CYP7B1: variants seen among roughly 807,000 people sequenced by gnomAD.
CYP7B1 encodes cytochrome P450 family 7 subfamily B member 1.
In CYP7B1, 29 loss-of-function variants were observed where a neutral mutation model predicts 42.7. The ratio of observed to expected loss-of-function variants is 0.68; its 90% CI spans 0.51 to 0.93. The LOEUF (loss-of-function observed/expected upper bound fraction) is 0.93, where lower values mean the gene tolerates loss of function less well. Among genes scored for constraint, CYP7B1 ranks in the 40% least tolerant of loss-of-function variants. CYP7B1 has a pLI of 0.00. For missense variants in CYP7B1, 655 were observed against 600.5 expected (o/e 1.09, Z -0.95); for synonymous variants, 235 against 218.2 (o/e 1.08, Z -0.68).
intron 1 of CYP7B1, among the ~76,000 whole-genome samples, chr8:64,647,116 T>C (rs1031712933): frequency 3.3e-5 from 5 of 152,150 alleles, no homozygotes; most frequent in Non-Finnish European, 5.9e-5. Context: ...TGTTGTTGTG[T>C]CTCAGGGAAT....
Position 64,794,950 on chromosome 8 carries a change from T to C in CYP7B1, c.122+3516A>G, listed in dbSNP as rs570782668. On this transcript the variant is annotated intron_variant, in intron 1 of 5. Coordinates refer to ENST00000310193, the MANE Select transcript of CYP7B1 (RefSeq NM_004820.5). ...GCTTCCAATCAATAGACTGGCATTA[T>C]TAAATACTGGCAAGGATGTGGAGCA... 8.5e-5 allele frequency among the ~76,000 whole-genome samples: 13 copies of C among 152,278 alleles called. No homozygotes were observed. The East Asian group carries it at 1.4e-3, about 16-fold the overall frequency.
intron 1 of CYP7B1, among the ~76,000 whole-genome samples, chr8:64,681,920 T>G (rs1806544808): frequency 6.6e-6 from 1 of 152,180 alleles, no homozygotes; most frequent in African/African-American, 2.4e-5. Flanking sequence ...CTAATACACA[T>G]TTGGCATGGA....
Position 64,593,232 on chromosome 8 carries a change from G to GGTGTGTGTGTGT in CYP7B1, c.*3398_*3409dup, listed in dbSNP as rs57590025. 2.0e-4 allele frequency among the ~76,000 whole-genome samples: 25 copies of GGTGTGTGTGTGT among 123,370 alleles called. No individual in the cohort carries two copies. Among genetic ancestry groups the GGTGTGTGTGTGT allele is most frequent in the Admixed American group, 1.1e-3 (14 of 12,592 alleles). The allele number at this position is 123,370 out of a possible 152,430, so 80.9% of individuals were successfully genotyped here. ...TGGTGGACTAAAGGCTAGGGCCCAG[G>GGTGTGTGTGTGT]GTGTGTGTGTGTGTGTGTGTGTGTG... On this transcript the variant is annotated 3_prime_UTR_variant, in exon 6 of 6. Coordinates refer to ENST00000310193, the MANE Select transcript of CYP7B1 (RefSeq NM_004820.5).
At chr8:64,602,213 C>T (rs1668841434) in intron 5 of CYP7B1, among the ~76,000 whole-genome samples, 1 of 152,162 alleles carries the variant, frequency 6.6e-6, no homozygotes, top group Non-Finnish European at 1.5e-5. Flanking sequence ...TTATGCCCCC[C>T]TACAAAGTTA....
intron 1 of CYP7B1, among the ~76,000 whole-genome samples, chr8:64,726,836 T>G (rs1167014066): frequency 6.6e-6 from 1 of 152,122 alleles, no homozygotes; most frequent in Non-Finnish European, 1.5e-5. Flanking sequence ...CACCCCGATT[T>G]TGTGGTCTGG....
chr8:64,782,831 A>C lies in CYP7B1; in HGVS notation c.122+15635T>G, dbSNP rs146716507. Among the ~76,000 whole-genome samples, 56 of 152,324 alleles carry C rather than the reference A, an allele frequency of 3.7e-4. 1 individual carries two copies. The East Asian group carries it at 0.01, about 28-fold the overall frequency. ...GAATGAAATACAAAATAAACAACAA[A>C]ATGTTTTATTTTAGGGTCATCATGT... On this transcript the variant is annotated intron_variant, in intron 1 of 5. Coordinates refer to ENST00000310193, the MANE Select transcript of CYP7B1 (RefSeq NM_004820.5).
Position 64,596,530 on chromosome 8 carries a change from G to C in CYP7B1, c.*112C>G. On this transcript the variant is annotated 3_prime_UTR_variant, in exon 6 of 6. Coordinates refer to ENST00000310193, the MANE Select transcript of CYP7B1 (RefSeq NM_004820.5). Reference sequence around the variant, plus strand: ...CTGATATCAGATCAAATAGAAATTAGCGCTTTTTAAACAAATAAATCAATT... The same window carrying C: ...CTGATATCAGATCAAATAGAAATTACCGCTTTTTAAACAAATAAATCAATT... 1 of 1,109,340 alleles carries C rather than the reference G, an allele frequency of 9.0e-7. No individual in the cohort carries two copies. The highest frequency in any genetic ancestry group is 1.3e-6 in the Non-Finnish European group (1 of 777,292). 68.7% of individuals were successfully genotyped at this position (1,109,340 alleles called of 1,614,324 possible).
chr8:64,646,737 T>C (rs1030822461), intron 1 of CYP7B1, among the ~76,000 whole-genome samples: 1 of 152,226 alleles, frequency 6.6e-6, no homozygotes, highest in Admixed American at 6.5e-5. Flanking sequence ...TTCTATGTTA[T>C]GGAGATGGTG....
At chr8:64,630,575 T>C (rs1453054072) in intron 1 of CYP7B1, among the ~76,000 whole-genome samples, 1 of 152,366 alleles carries the variant, frequency 6.6e-6, no homozygotes, top group South Asian at 2.1e-4. Context: ...TTTTGTCAAC[T>C]CTCTCTGCTT....
At chr8:64,641,609 C>A (rs1164230008) in intron 1 of CYP7B1, among the ~76,000 whole-genome samples, 2 of 152,092 alleles carry the variant, frequency 1.3e-5, no homozygotes, top group Non-Finnish European at 2.9e-5. Context: ...CTTGATAGTT[C>A]TTAAAGGTAA....
intron 2 of CYP7B1, 52 bp downstream of exon 2, chr8:64,624,351 A>C: frequency 6.4e-7 from 1 of 1,556,452 alleles, no homozygotes; most frequent in Non-Finnish European, 8.8e-7. Context: ...GACATTAAAG[A>C]ACAAGTGAAA....
chr8:64,734,205 A>C (rs1424014268), intron 1 of CYP7B1: 1 of 152,208 alleles, frequency 6.6e-6, no homozygotes, highest in Admixed American at 6.5e-5. Flanking sequence ...GAGTATGATA[A>C]ACAAATTAGA....
At chr8:64,708,064 A>G (rs1807026306) in intron 1 of CYP7B1, among the ~76,000 whole-genome samples, 1 of 152,170 alleles carries the variant, frequency 6.6e-6, no homozygotes, top group East Asian at 1.9e-4. Flanking sequence ...AAAGAGGCAA[A>G]GGATATTATG....
chr8:64,744,343 A>C lies in CYP7B1; in HGVS notation c.122+54123T>G, dbSNP rs753887518. On this transcript the variant is annotated intron_variant, in intron 1 of 5. Coordinates refer to ENST00000310193, the MANE Select transcript of CYP7B1 (RefSeq NM_004820.5). ...GAAAAAATCAAGAGATTTAATGAAA[A>C]AGAATCTCTTTTTTTTTTCCTTTTC... 2.6e-5 allele frequency among the ~76,000 whole-genome samples: 4 copies of C among 152,152 alleles called. No individual in the cohort carries two copies. The South Asian group carries it at 8.3e-4, about 32-fold the overall frequency.
chr8:64,756,353 C>G (rs2129633618), intron 1 of CYP7B1, among the ~76,000 whole-genome samples: 1 of 152,338 alleles, frequency 6.6e-6, no homozygotes, highest in African/African-American at 2.4e-5. Context: ...GTTAGACAAG[C>G]ATGTCAACAT....
rs147701165 is a variant in CYP7B1, at chr8:64,713,349, A to C, written c.122+85117T>G. 2.0e-3 allele frequency among the ~76,000 whole-genome samples: 286 copies of C among 143,288 alleles called. 1 individual carries two copies. The highest frequency in any genetic ancestry group is 6.6e-3 in the African/African-American group (268 of 40,736). 94.0% of individuals were successfully genotyped at this position (143,288 alleles called of 152,430 possible). ...TGCAATAAAAAGTTATCAGGCAAGC[A>C]AAGAAGCAGGAAAACATAGAGGAAA... On this transcript the variant is annotated intron_variant, in intron 1 of 5. Coordinates refer to ENST00000310193, the MANE Select transcript of CYP7B1 (RefSeq NM_004820.5).
chr8:64,613,233 A>T (rs1805387377), intron 4 of CYP7B1, among the ~76,000 whole-genome samples: 1 of 152,134 alleles, frequency 6.6e-6, no homozygotes, highest in Non-Finnish European at 1.5e-5. Flanking sequence ...TTTATGAGGG[A>T]TCCAACAGTG....
chr8:64,627,700 T>C (rs1805629250), intron 1 of CYP7B1, among the ~76,000 whole-genome samples: 1 of 152,198 alleles, frequency 6.6e-6, no homozygotes, highest in African/African-American at 2.4e-5. Flanking sequence ...TATTTTATTG[T>C]TACAAAGATG....
chr8:64,690,811 A>T (rs1049820178), intron 1 of CYP7B1, among the ~76,000 whole-genome samples: 2 of 152,216 alleles, frequency 1.3e-5, no homozygotes, highest in African/African-American at 4.8e-5. Context: ...TGGGATGTGG[A>T]TACAAACATC....
Sources: allele counts gnomAD v4.1 joint callset (sites outside exome capture counted in the v4.1 genomes callset), GRCh38; gene constraint gnomAD v4.1.1; transcripts MANE v1.5; gene names NCBI Gene and HGNC (gene_info 2026-07-23, HGNC 2026-07-21).